GABRA5: variants seen among roughly 807,000 people sequenced by gnomAD.
GABRA5 encodes gamma-aminobutyric acid receptor subunit alpha-5.
A neutral mutation model predicts 47.3 loss-of-function variants in GABRA5; 18 were observed. The ratio of observed to expected loss-of-function variants is 0.38; its 90% CI spans 0.26 to 0.56. The LOEUF (loss-of-function observed/expected upper bound fraction) is 0.56. Among genes scored for constraint, GABRA5 ranks in the 20% least tolerant of loss-of-function variants. The pLI is 0.71. For synonymous variants in GABRA5, 237 were observed against 229.3 expected, an observed-to-expected ratio of 1.03 and a Z score of -0.30; for missense variants, 365 against 599.3, an observed-to-expected ratio of 0.61 and a Z score of 4.08.
intron 7 of GABRA5, among the ~76,000 whole-genome samples, chr15:26,920,914 G>A (rs189498165): frequency 3.4e-4 from 51 of 152,182 alleles, no homozygotes; most frequent in African/African-American, 1.1e-3. Context: ...GTCTTTCTGC[G>A]TTTTCTGCAT....
intron 7 of GABRA5, among the ~76,000 whole-genome samples, chr15:26,932,664 C>T (rs999724401): frequency 8.1e-4 from 123 of 152,128 alleles, no homozygotes; most frequent in African/African-American, 2.9e-3. Context: ...GATACATGCA[C>T]GCATATGTTC....
chr15:26,912,655 T>G (rs1313348992), intron 6 of GABRA5, among the ~76,000 whole-genome samples: 1 of 152,188 alleles, frequency 6.6e-6, no homozygotes, highest in East Asian at 1.9e-4. Context: ...GATGCTAGAA[T>G]CAAATATTTA....
At chr15:26,908,873 T>C (rs1853432561) in intron 6 of GABRA5, among the ~76,000 whole-genome samples, 1 of 152,214 alleles carries the variant, frequency 6.6e-6, no homozygotes. Flanking sequence ...GTGAGCTACT[T>C]ACAAATTGGC....
chr15:26,888,086 A>G (rs1053854633), intron 6 of GABRA5, among the ~76,000 whole-genome samples: 1 of 152,224 alleles, frequency 6.6e-6, no homozygotes, highest in African/African-American at 2.4e-5. Flanking sequence ...AGAGATTCAA[A>G]AAAAGCTGAG....
chr15:26,893,081 T>TG (rs1190159357), intron 6 of GABRA5, among the ~76,000 whole-genome samples: 8 of 150,068 alleles, frequency 5.3e-5, no homozygotes, highest in Non-Finnish European at 3.0e-5. Context: ...GTGGCGTGTT[T>TG]GGGGGTGTAT....
intron 3 of GABRA5, among the ~76,000 whole-genome samples, chr15:26,870,242 T>C (rs1892430740): frequency 6.6e-6 from 1 of 152,188 alleles, no homozygotes; most frequent in African/African-American, 2.4e-5. Context: ...TAGACAGCCT[T>C]CCCATCTGGG....
intron 7 of GABRA5, among the ~76,000 whole-genome samples, chr15:26,928,578 G>T (rs1287280967): frequency 9.2e-5 from 14 of 152,034 alleles, no homozygotes; most frequent in Admixed American, 9.2e-4. Flanking sequence ...TCCTGCGTGG[G>T]ATTAGTGCTC....
intron 6 of GABRA5, among the ~76,000 whole-genome samples, chr15:26,884,003 C>T (rs1242790215): frequency 7.1e-6 from 1 of 140,754 alleles, no homozygotes; most frequent in African/African-American, 2.6e-5. Context: ...CTTGTTTCTA[C>T]CAAAAAAAAA....
intron 6 of GABRA5, among the ~76,000 whole-genome samples, chr15:26,897,567 C>T (rs1271565666): frequency 6.6e-6 from 1 of 152,164 alleles, no homozygotes; most frequent in Non-Finnish European, 1.5e-5. Flanking sequence ...AAATGAAGAG[C>T]CCTGACTCGG....
At chr15:26,911,369 ATG>A (rs201269330) in intron 6 of GABRA5, among the ~76,000 whole-genome samples, 38,642 of 125,994 alleles carry the variant, frequency 0.31, 5,260 homozygotes, top group East Asian at 0.51. Context: ...CCCTTGCTGC[ATG>A]CACACACACA....
rs1460434346 is a variant in GABRA5, at chr15:26,948,596, C to T, written c.*363C>T. On this transcript the variant is annotated 3_prime_UTR_variant, in exon 11 of 11. Transcript: ENST00000335625. ...AAATGTCATTTCATACAAATTTTCC[C>T]AGTGAATAAATATTTTAGGAAACTC... 2 of 185,342 alleles carry T rather than the reference C, an allele frequency of 1.1e-5. No homozygotes were observed. The highest frequency in any genetic ancestry group is 4.7e-5 in the African/African-American group (2 of 42,506). 11.5% of individuals were successfully genotyped at this position (185,342 alleles called of 1,614,324 possible). A position where few individuals can be genotyped will look rare whatever the true frequency, so the allele number is the denominator to read the frequency against.
At chr15:26,868,268 C>A (rs1478199362) in intron 1 of GABRA5, among the ~76,000 whole-genome samples, 1 of 152,010 alleles carries the variant, frequency 6.6e-6, no homozygotes, top group East Asian at 1.9e-4. Context: ...CCCGGACGCG[C>A]CCAGGCGACC....
intron 6 of GABRA5, among the ~76,000 whole-genome samples, chr15:26,907,505 C>T (rs998508098): frequency 1.3e-5 from 2 of 152,136 alleles, no homozygotes; most frequent in East Asian, 1.9e-4. Context: ...CGGGGTCAGA[C>T]TTAGTGCTAA....
intron 6 of GABRA5, among the ~76,000 whole-genome samples, chr15:26,895,200 C>G (rs1432381372): frequency 6.6e-6 from 1 of 152,008 alleles, no homozygotes; most frequent in South Asian, 2.1e-4. Context: ...ACCCTTCAGT[C>G]CCCCCACCTC....
intron 6 of GABRA5, among the ~76,000 whole-genome samples, chr15:26,910,646 T>C (rs1309483070): frequency 6.6e-6 from 1 of 151,992 alleles, no homozygotes; most frequent in Non-Finnish European, 1.5e-5. Context: ...CAAGATGTTC[T>C]TCAAAAATGG....
chr15:26,868,991 T>C (rs1204373905), intron 2 of GABRA5, among the ~76,000 whole-genome samples, 184 bp from the exon 3 acceptor site: 1 of 152,190 alleles, frequency 6.6e-6, no homozygotes, highest in Non-Finnish European at 1.5e-5. Flanking sequence ...TTGTTACTTA[T>C]TTTTATGCTC....
intron 6 of GABRA5, among the ~76,000 whole-genome samples, chr15:26,905,143 GT>G (rs1893414303): frequency 6.6e-6 from 1 of 152,068 alleles, no homozygotes; most frequent in South Asian, 2.1e-4. Context: ...TCAGTACATA[GT>G]TTGTTGAGAG....
intron 6 of GABRA5, among the ~76,000 whole-genome samples, chr15:26,887,260 A>G (rs946150139): frequency 6.6e-6 from 1 of 152,156 alleles, no homozygotes; most frequent in South Asian, 2.1e-4. Flanking sequence ...ATTTTTTTTC[A>G]GATGTTGGAC....
At chr15:26,891,866 G>T (rs1306559054) in intron 6 of GABRA5, among the ~76,000 whole-genome samples, 2 of 152,190 alleles carry the variant, frequency 1.3e-5, no homozygotes, top group African/African-American at 4.8e-5. Context: ...CAAGTGACCC[G>T]CTCTGCTCAT....
Sources: gnomAD v4.1 joint callset for allele counts (sites outside exome capture counted in the v4.1 genomes callset) on GRCh38, gnomAD v4.1.1 for gene constraint, MANE v1.5 for transcripts, NCBI Gene and HGNC (gene_info 2026-07-23, HGNC 2026-07-21) for gene names.